Variants in WDR93 observed in about 807,000 individuals in gnomAD.
WDR93 encodes WD repeat domain 93, also known as WD repeat-containing protein 93.
WDR93 carries 73 observed loss-of-function variants against 82.9 expected under a neutral mutation model. That is an observed-to-expected ratio of 0.88 (90% CI 0.73 to 1.07). The LOEUF is 1.07. WDR93 is among the 50% of genes least tolerant of loss of function. The pLI, the probability that WDR93 is intolerant of heterozygous loss-of-function variation, is 0.00. For synonymous variants in WDR93, 283 were observed against 300.1 expected, an observed-to-expected ratio of 0.94 and a Z score of 0.59; for missense variants, 738 against 826.0, an observed-to-expected ratio of 0.89 and a Z score of 1.31.
chr15:89,731,361 C>T, intron 11 of WDR93, 82 bp from the exon 12 acceptor site: 3 of 1,579,284 alleles, frequency 1.9e-6, no homozygotes, highest in Non-Finnish European at 2.6e-6. Flanking sequence ...GCAGACCAGT[C>T]TGAGTCACAG....
chr15:89,728,830 T>A (rs1966836954), intron 9 of WDR93, among the ~76,000 whole-genome samples, 193 bp from the exon 10 acceptor site: 3 of 152,146 alleles, frequency 2.0e-5, no homozygotes, highest in Non-Finnish European at 4.4e-5. Context: ...CCACCCAACC[T>A]GCCCTCACCA....
chr15:89,714,984 C>T lies in WDR93; in HGVS notation c.645C>T (p.Ala215=), dbSNP rs751006599. ...TTCTCTGGTTTCCCAATGCAGGAGC[C>T]GGAGATATTTGGCTGGATGTGTATA... ...GDFAAFLLQG[A]GDIWLDVYKL... Residue 215 remains alanine, a synonymous_variant, in exon 6 of 17, where the codon GCC becomes GCT. Coordinates refer to ENST00000268130, the MANE Select transcript of WDR93 (RefSeq NM_020212.2). The T allele has an allele frequency of 1.1e-5, 18 of 1,613,066 alleles. No individual in the cohort carries two copies. Among genetic ancestry groups the T allele is most frequent in the African/African-American group, 5.3e-5 (4 of 74,878 alleles).
chr15:89,695,024 T>C (rs999020582), intron 1 of WDR93, among the ~76,000 whole-genome samples: 4 of 152,236 alleles, frequency 2.6e-5, no homozygotes, highest in African/African-American at 9.6e-5. Flanking sequence ...CCCTATTTGA[T>C]TTCATTGATC....
Position 89,727,207 on chromosome 15 carries a change from T to C in WDR93, c.931T>C (p.Tyr311His). ...AGTCTTTGCAAAGATCAAGGACTGC[T>C]ACGGACTGGGCTCCGGGCAGAATCA... ...LEVFAKIKDC[Y>H]GLGSGQNHFI... The change falls in exon 9 of 17, where the codon TAC becomes CAC. Residue 311 changes from tyrosine (Y) to histidine (H), a missense_variant. By Grantham distance (83) the Tyr-to-His change is moderately conservative (BLOSUM62 2). Transcript: ENST00000268130. 1 of 1,614,154 alleles carries C rather than the reference T, an allele frequency of 6.2e-7. No individual in the cohort carries two copies. The highest frequency in any genetic ancestry group is 8.5e-7 in the Non-Finnish European group (1 of 1,180,026).
chr15:89,704,540 A>C (rs1421310194), intron 3 of WDR93: 5 of 152,224 alleles, frequency 3.3e-5, no homozygotes. Flanking sequence ...AGTAGTGGGA[A>C]AGTGTGCCTG....
rs1967292804 is a variant in WDR93, at chr15:89,737,453, G to A, written c.1609-120G>A. 9 of 1,338,468 alleles carry A rather than the reference G, an allele frequency of 6.7e-6. No homozygotes were observed. The East Asian group carries it at 2.1e-4, about 31-fold the overall frequency. 82.9% of individuals were successfully genotyped at this position (1,338,468 alleles called of 1,614,324 possible). On this transcript the variant is annotated intron_variant, in intron 14 of 16. Coordinates refer to ENST00000268130, the MANE Select transcript of WDR93 (RefSeq NM_020212.2). ...GCCCTGGATGGATCCAGAGGCTGGG[G>A]CCCAAGAGGTTTTATGTCCAGCTGC...
At chr15:89,697,045 T>C (rs1006541919) in intron 1 of WDR93, among the ~76,000 whole-genome samples, 1 of 152,066 alleles carries the variant, frequency 6.6e-6, no homozygotes, top group East Asian at 1.9e-4. Flanking sequence ...CACAGCTCAC[T>C]ACAGCCTTGA....
At chr15:89,702,187 G>A in intron 2 of WDR93, 138 bp downstream of exon 2, 1 of 997,642 alleles carries the variant, frequency 1.0e-6, no homozygotes. Flanking sequence ...TTAGAAGCAT[G>A]CTGATGTTGA....
chr15:89,716,890 AT>A lies in WDR93; in HGVS notation c.757-18del. On this transcript the variant is annotated intron_variant, in intron 6 of 16. Coordinates refer to ENST00000268130, the MANE Select transcript of WDR93 (RefSeq NM_020212.2). ...CATACATCAAACCTATTGTGAATTA[AT>A]TTCTCATTTTTCTTCTCAGAACTCC... The A allele has an allele frequency of 6.5e-7, 1 of 1,535,390 alleles. No individual in the cohort carries two copies. Among genetic ancestry groups the A allele is most frequent in the Non-Finnish European group, 8.9e-7 (1 of 1,127,044 alleles).
rs192301780 is a variant in WDR93, at chr15:89,691,367, G to A, written c.-41+510G>A. Among the ~76,000 whole-genome samples, 384 of 152,310 alleles carry A rather than the reference G, an allele frequency of 2.5e-3. 2 individuals carry two copies. The highest frequency in any genetic ancestry group is 0.017 in the Middle Eastern group (5 of 294). On this transcript the variant is annotated intron_variant, in intron 1 of 16. Coordinates refer to ENST00000268130, the MANE Select transcript of WDR93 (RefSeq NM_020212.2). ...GAACATTCGTTCTGTGCGGCTTGAA[G>A]AAAAGGAGCCTTACCCACTCCGTGG...
chr15:89,733,487 G>A (rs907821743), intron 13 of WDR93, among the ~76,000 whole-genome samples: 1 of 152,164 alleles, frequency 6.6e-6, no homozygotes, highest in Non-Finnish European at 1.5e-5. Flanking sequence ...TGGCAGTACT[G>A]TGAGATGGGG....
chr15:89,713,150 A>G (rs1224771781), intron 5 of WDR93, among the ~76,000 whole-genome samples: 2 of 149,142 alleles, frequency 1.3e-5, no homozygotes, highest in Non-Finnish European at 3.0e-5. Flanking sequence ...AAAAAAAAGT[A>G]TCGTCTCCTG....
chr15:89,734,151 G>A (rs530142024), intron 13 of WDR93, among the ~76,000 whole-genome samples: 4 of 152,100 alleles, frequency 2.6e-5, no homozygotes, highest in East Asian at 1.9e-4. Flanking sequence ...TTCTTGCTCC[G>A]CCCCAAACAC....
rs370333876 is a variant in WDR93 at position 89,702,830 on chromosome 15, C to A, written c.304-120C>A. The A allele has an allele frequency of 6.6e-5, 76 of 1,152,206 alleles. No homozygotes were observed. In the South Asian group the frequency reaches 8.6e-4, roughly 13 times the overall value. The allele number at this position is 1,152,206 out of a possible 1,614,324, so 71.4% of individuals were successfully genotyped here. ...CTGGGATTACAGGCGTTAGCCACTG[C>A]GTCCAGCCAGGAAATGTTATTATTA... On this transcript the variant is annotated intron_variant, in intron 2 of 16. Coordinates refer to ENST00000268130, the MANE Select transcript of WDR93 (RefSeq NM_020212.2).
upstream of WDR93, chr15:89,690,612 G>A (rs1345586846): frequency 1.3e-6 from 2 of 1,551,274 alleles, no homozygotes; most frequent in African/African-American, 1.4e-5. Context: ...TCTGGTTGGT[G>A]AAGCGGGTGA....
chr15:89,716,337 A>C (rs1966253220), intron 6 of WDR93, among the ~76,000 whole-genome samples: 1 of 152,228 alleles, frequency 6.6e-6, no homozygotes, highest in South Asian at 2.1e-4. Context: ...TAGATTGTTA[A>C]GATCATACCT....
At chr15:89,725,544 TTC>T (rs1491355177) in intron 8 of WDR93, among the ~76,000 whole-genome samples, 4 of 121,952 alleles carry the variant, frequency 3.3e-5, no homozygotes, top group African/African-American at 1.3e-4. Context: ...AATGTTCTAT[TTC>T]TTTTTTTTTT....
At chr15:89,715,175 T>C (rs1449082190) in intron 6 of WDR93, 80 bp downstream of exon 6, 10 of 1,276,448 alleles carry the variant, frequency 7.8e-6, no homozygotes, top group Admixed American at 4.3e-5. Flanking sequence ...TGGAAACTTA[T>C]GGTGAATGAG....
chr15:89,737,617 G>A lies in WDR93; in HGVS notation c.1653G>A (p.Val551=), dbSNP rs1482639580. 1 of 1,614,194 alleles carries A rather than the reference G, an allele frequency of 6.2e-7. No homozygotes were observed. The highest frequency in any genetic ancestry group is 8.5e-7 in the Non-Finnish European group (1 of 1,180,046). ...ATGGCTCTGTGTGCCTTATGGATGTGGCCAAGCGTGAAATCATCTGTGCCT... is the reference window on the plus strand; with the variant it reads ...ATGGCTCTGTGTGCCTTATGGATGTAGCCAAGCGTGAAATCATCTGTGCCT... The part of the protein sequence containing the change: ...SKNGSVCLMD[V]AKREIICAFA... The change falls in exon 15 of 17, where the codon GTG becomes GTA. Residue 551 remains valine, a synonymous_variant. Transcript: ENST00000268130.
Sources: allele counts gnomAD v4.1 joint callset (sites outside exome capture counted in the v4.1 genomes callset), GRCh38; gene constraint gnomAD v4.1.1; transcripts MANE v1.5; gene names NCBI Gene and HGNC (gene_info 2026-07-23, HGNC 2026-07-21).